The following STK3 variants were observed in gnomAD, a reference collection of about 807,000 sequenced individuals.
STK3 encodes the protein serine/threonine-protein kinase 3.
Under a neutral mutation model 58.0 loss-of-function variants are expected in STK3, and 41 were observed. That is an observed-to-expected ratio of 0.71 (90% CI 0.55 to 0.92). The LOEUF (loss-of-function observed/expected upper bound fraction) is 0.92. Ranked by LOEUF, STK3 falls within the 40% of genes least tolerant of loss-of-function variation. The probability of loss-of-function intolerance (pLI) is 0.00; values close to 1 mark genes in which losing one functional copy is unlikely to be tolerated. For missense variants in STK3, 479 were observed against 602.7 expected, an observed-to-expected ratio of 0.79 and a Z score of 2.15; for synonymous variants, 170 against 191.0, an observed-to-expected ratio of 0.89 and a Z score of 0.91.
At chr8:98,372,464 A>C (rs1378044368) in intron 2 of STK3, among the ~76,000 whole-genome samples, 1 of 151,916 alleles carries the variant, frequency 6.6e-6, no homozygotes, top group Non-Finnish European at 1.5e-5. Context: ...CTTCAGCTCC[A>C]AACCCAGCTC....
At chr8:98,520,089 AAAC>A (rs1418644698) in intron 10 of STK3, among the ~76,000 whole-genome samples, 3 of 152,174 alleles carry the variant, frequency 2.0e-5, no homozygotes, top group Non-Finnish European at 2.9e-5. Flanking sequence ...ATTTAACACT[AAAC>A]AATCTGGATG....
intron 10 of STK3, among the ~76,000 whole-genome samples, chr8:98,495,434 G>C (rs1049817991): frequency 2.0e-5 from 3 of 151,966 alleles, no homozygotes; most frequent in African/African-American, 7.3e-5. Context: ...GAGGAGCTCT[G>C]ACCATGAAAA....
At chr8:98,623,570 G>T (rs1282688623) in intron 6 of STK3, among the ~76,000 whole-genome samples, 1 of 152,144 alleles carries the variant, frequency 6.6e-6, no homozygotes, top group Non-Finnish European at 1.5e-5. Context: ...GATCACTGGA[G>T]CCCAGGAGTT....
intron 6 of STK3, chr8:98,651,504 G>T (rs562046903): frequency 6.6e-6 from 1 of 152,284 alleles, no homozygotes; most frequent in Admixed American, 6.5e-5. Flanking sequence ...TGACTTTGAC[G>T]AGTTGAGAGA....
intron 8 of STK3, among the ~76,000 whole-genome samples, chr8:98,567,050 G>A (rs983718894): frequency 3.3e-5 from 5 of 152,028 alleles, no homozygotes; most frequent in African/African-American, 1.2e-4. Context: ...ACAAACAAGA[G>A]GTTGCAATGC....
downstream of STK3, among the ~76,000 whole-genome samples, chr8:98,400,797 GT>G (rs1165971110): frequency 1.3e-5 from 2 of 152,010 alleles, no homozygotes; most frequent in Non-Finnish European, 2.9e-5. Flanking sequence ...TAGTTTTGTT[GT>G]TTTTTCCTGA....
At chr8:98,616,799 C>T (rs958404650) in intron 6 of STK3, among the ~76,000 whole-genome samples, 3 of 150,650 alleles carry the variant, frequency 2.0e-5, no homozygotes, top group African/African-American at 7.3e-5. Context: ...CAGGAGCACC[C>T]AGATTCATAA....
chr8:98,815,990 A>C (rs1021399848), intron 1 of STK3, among the ~76,000 whole-genome samples: 13 of 152,200 alleles, frequency 8.5e-5, no homozygotes, highest in African/African-American at 2.9e-4. Flanking sequence ...CCATCTATAT[A>C]TATATATATA....
chr8:98,613,654 AG>A (rs1233268130), intron 6 of STK3, among the ~76,000 whole-genome samples: 7 of 152,104 alleles, frequency 4.6e-5, no homozygotes, highest in African/African-American at 9.6e-5. Flanking sequence ...GTAAAAAAAA[AG>A]AAAACAGAAA....
intron 3 of STK3, among the ~76,000 whole-genome samples, chr8:98,873,021 A>C (rs1308695621): frequency 6.6e-5 from 10 of 152,086 alleles, no homozygotes; most frequent in African/African-American, 2.2e-4. Context: ...TGTGTCCCAG[A>C]GATTCTGGTA....
At chr8:98,839,920 G>A (rs13275130) in intron 3 of STK3, among the ~76,000 whole-genome samples, 260 of 152,138 alleles carry the variant, frequency 1.7e-3, no homozygotes, top group Middle Eastern at 6.8e-3. Flanking sequence ...AAATACCGTC[G>A]ACAAAGAACT....
At chr8:98,697,703 T>A (rs1290378963) in intron 6 of STK3, among the ~76,000 whole-genome samples, 5 of 152,234 alleles carry the variant, frequency 3.3e-5, no homozygotes. Flanking sequence ...TCTAGTTTGA[T>A]TGCACTGTAG....
At chr8:98,591,513 T>C (rs182496742) in intron 7 of STK3, among the ~76,000 whole-genome samples, 21 of 152,350 alleles carry the variant, frequency 1.4e-4, no homozygotes, top group Non-Finnish European at 2.9e-4. Flanking sequence ...ATTTGTCTGA[T>C]AAAACTTCTC....
In STK3 at chr8:98,457,790, T is replaced by C. The variant is rs181229708; in HGVS notation, c.1318-1790A>G. On this transcript the variant is annotated intron_variant, in intron 10 of 10. Transcript: ENST00000419617. The stretch of plus-strand genomic sequence containing the variant: ...ATTATATAAAGCAAACAATTATCAT[T>C]ACTTTAATTCTGAATTAAGATATTC... Among the ~76,000 whole-genome samples the C allele has an allele frequency of 1.4e-3, 216 of 152,328 alleles. 2 individuals are homozygous for C. Among genetic ancestry groups the C allele is most frequent in the Non-Finnish European group, 1.8e-3 (121 of 68,018 alleles).
At chr8:98,925,145 C>G (rs1374277112) in intron 1 of STK3, among the ~76,000 whole-genome samples, 1 of 152,148 alleles carries the variant, frequency 6.6e-6, no homozygotes, top group Non-Finnish European at 1.5e-5. Flanking sequence ...CCATCTGCTC[C>G]CAAAGTCATT....
intron 9 of STK3, among the ~76,000 whole-genome samples, chr8:98,535,990 C>T (rs1281105483): frequency 1.6e-4 from 24 of 152,040 alleles, no homozygotes; most frequent in Admixed American, 1.6e-3. Context: ...GTGGTAGCAA[C>T]AGAAAGGGGA....
chr8:98,906,376 G>C (rs1838901089), intron 1 of STK3: 1 of 152,344 alleles, frequency 6.6e-6, no homozygotes, highest in Admixed American at 6.5e-5. Flanking sequence ...GTGCACCACA[G>C]CGTGGTTGTG....
downstream of STK3, among the ~76,000 whole-genome samples, chr8:98,397,459 C>A (rs1817906120): frequency 6.6e-6 from 1 of 151,982 alleles, no homozygotes; most frequent in African/African-American, 2.4e-5. Context: ...TCACTTGAGC[C>A]CAGGAGGTCA....
intron 3 of STK3, among the ~76,000 whole-genome samples, chr8:98,420,812 G>A (rs983862810): frequency 2.0e-5 from 3 of 152,240 alleles, no homozygotes; most frequent in East Asian, 1.9e-4. Flanking sequence ...ATTGGCACTC[G>A]TCATGGCTAA....
Sources: allele counts gnomAD v4.1 joint callset (sites outside exome capture counted in the v4.1 genomes callset), GRCh38; gene constraint gnomAD v4.1.1; transcripts MANE v1.5; gene names NCBI Gene and HGNC (gene_info 2026-07-23, HGNC 2026-07-21).